Variants in EXD3 observed in about 807,000 individuals in gnomAD.
EXD3 encodes exonuclease 3'-5' domain containing 3.
Under a neutral mutation model 98.0 loss-of-function variants are expected in EXD3, and 92 were observed. The ratio of observed to expected loss-of-function variants is 0.94; its 90% CI spans 0.79 to 1.12. The LOEUF (loss-of-function observed/expected upper bound fraction) is 1.12. EXD3 is among the 50% of genes most tolerant of loss of function. The pLI, the probability that EXD3 is intolerant of heterozygous loss-of-function variation, is 0.00. For missense variants in EXD3, 1,222 were observed against 1,191.6 expected (o/e 1.03, Z -0.38); for synonymous variants, 569 against 526.0 (o/e 1.08, Z -1.12).
Position 137,371,951 on chromosome 9 carries a change from C to T in EXD3, c.462+954G>A, listed in dbSNP as rs1185002670. Among the ~76,000 whole-genome samples, 1 of 152,162 alleles carries T rather than the reference C, an allele frequency of 6.6e-6. No individual in the cohort carries two copies. The highest frequency in any genetic ancestry group is 2.4e-5 in the African/African-American group (1 of 41,446). On this transcript the variant is annotated intron_variant, in intron 5 of 21. Transcript: ENST00000340951. This position sits in a 1 kb window ranked among gnomAD's most constrained non-coding sequence, Gnocchi z 8.0. ...CCACTGCAGGCCCCACTGCTCCCTA[C>T]TGTTCCACACAAACCCAAGTCACAG...
intron 1 of EXD3, among the ~76,000 whole-genome samples, chr9:137,400,532 G>A (rs1264240269): frequency 2.0e-5 from 3 of 152,182 alleles, no homozygotes; most frequent in African/African-American, 7.2e-5. Flanking sequence ...TTGGGAGGCC[G>A]AGGAGGGTGG....
At chr9:137,387,455 C>T (rs1836661763) in intron 2 of EXD3, among the ~76,000 whole-genome samples, 1 of 152,180 alleles carries the variant, frequency 6.6e-6, no homozygotes, top group South Asian at 2.1e-4. Flanking sequence ...TCAGACACGG[C>T]CATGCTGACA....
rs1470683658 is a variant in EXD3 at position 137,366,531 on chromosome 9, G to A, written c.618C>T (p.Ser206=). ...LQRRLLVLMD[S]WCQPGFDIKD... Reference sequence around the variant, plus strand: ...TGATGTCAAAGCCGGGCTGGCACCAGGAATCCATGAGGACCAGCAGCCTCC... The same window carrying A: ...TGATGTCAAAGCCGGGCTGGCACCAAGAATCCATGAGGACCAGCAGCCTCC... Residue 206 remains serine, a synonymous_variant, in exon 7 of 22, where the codon TCC becomes TCT. Coordinates refer to ENST00000340951, the MANE Select transcript of EXD3 (RefSeq NM_017820.5). The A allele has an allele frequency of 2.6e-6, 4 of 1,551,412 alleles. No homozygotes were observed. Among genetic ancestry groups the A allele is most frequent in the Non-Finnish European group, 3.5e-6 (4 of 1,147,568 alleles).
intron 2 of EXD3, among the ~76,000 whole-genome samples, chr9:137,388,889 A>G (rs11559483): frequency 0.65 from 98,810 of 152,074 alleles, 33,443 homozygotes; most frequent in African/African-American, 0.83. Context: ...CCACGGGTCC[A>G]GGCACCTGCT....
In EXD3 at chr9:137,330,109, TACACAGGAG is replaced by T. The variant is rs1832935029; in HGVS notation, c.1999-5975_1999-5967del. ...GAGCTACACAGGGCTCCACAGGAGC[TACACAGGAG>T]CTACACAGGAGCTACACAGGAACTA... On this transcript the variant is annotated intron_variant, in intron 17 of 21. Transcript: ENST00000340951. 6.5e-5 allele frequency among the ~76,000 whole-genome samples: 3 copies of T among 45,830 alleles called. No individual in the cohort carries two copies. The Admixed American group carries it at 7.0e-4, about 11-fold the overall frequency. 30.1% of individuals were successfully genotyped at this position (45,830 alleles called of 152,430 possible). A position where few individuals can be genotyped will look rare whatever the true frequency, so the allele number is the denominator to read the frequency against.
At position 137,328,741 on chromosome 9, in the gene EXD3, GCTACACGGGA is replaced by G. The variant is rs1832686704; in HGVS notation, c.1999-4608_1999-4599del. Among the ~76,000 whole-genome samples the G allele has an allele frequency of 1.6e-4, 2 of 12,240 alleles. 1 individual carries two copies. 8.0% of individuals were successfully genotyped at this position (12,240 alleles called of 152,430 possible). A position where few individuals can be genotyped will look rare whatever the true frequency, so the allele number is the denominator to read the frequency against. ...ACGGGACTACACGGGACTACACGGG[GCTACACGGGA>G]CTACACGGGACTACACGGGGCTACA... is the stretch of plus-strand genomic sequence containing the variant. On this transcript the variant is annotated intron_variant, in intron 17 of 21. Coordinates refer to ENST00000340951, the MANE Select transcript of EXD3 (RefSeq NM_017820.5).
intron 1 of EXD3, among the ~76,000 whole-genome samples, chr9:137,421,178 CAT>C (rs1010063015): frequency 3.3e-5 from 5 of 152,122 alleles, no homozygotes; most frequent in Non-Finnish European, 1.5e-5. Context: ...ATGATTGCCT[CAT>C]GTGTAGGGTC....
chr9:137,399,108 T>G (rs1288915703), intron 1 of EXD3, among the ~76,000 whole-genome samples: 1 of 152,212 alleles, frequency 6.6e-6, no homozygotes, highest in Non-Finnish European at 1.5e-5. Context: ...GCACCTCCAC[T>G]GGAAGCCTGG....
Position 137,387,645 on chromosome 9 carries a change from C to G in EXD3, c.56-4268G>C, listed in dbSNP as rs376184805. The stretch of plus-strand genomic sequence containing the variant: ...ACACACCCCACTCAGCACACAGCAC[C>G]CCACGCACCCCAACTCAGGGATACC... On this transcript the variant is annotated intron_variant, in intron 2 of 21. Coordinates refer to ENST00000340951, the MANE Select transcript of EXD3 (RefSeq NM_017820.5). Among the ~76,000 whole-genome samples the G allele has an allele frequency of 7.0e-3, 1,061 of 152,314 alleles. 12 individuals carry two copies. Among genetic ancestry groups the G allele is most frequent in the African/African-American group, 0.024 (1,001 of 41,574 alleles).
intron 19 of EXD3, among the ~76,000 whole-genome samples, chr9:137,317,371 C>T (rs1231169042): frequency 6.6e-6 from 1 of 152,174 alleles, no homozygotes; most frequent in Non-Finnish European, 1.5e-5. Flanking sequence ...GCCTGCCCAT[C>T]CCATCCATCC....
chr9:137,384,870 T>A (rs1384466757), intron 2 of EXD3, among the ~76,000 whole-genome samples: 4 of 152,106 alleles, frequency 2.6e-5, no homozygotes, highest in Non-Finnish European at 5.9e-5. Context: ...GGCAGGTGGA[T>A]CATTTGAGGT....
chr9:137,417,554 G>A (rs1166152822), intron 1 of EXD3, among the ~76,000 whole-genome samples: 2 of 152,182 alleles, frequency 1.3e-5, no homozygotes, highest in African/African-American at 4.8e-5. Context: ...TTCCTCTCCC[G>A]GGCAGAGACC....
At chr9:137,353,383 C>G (rs1834418324) in intron 10 of EXD3, 1 of 985,412 alleles carries the variant, frequency 1.0e-6, no homozygotes, top group Middle Eastern at 5.2e-4. Context: ...ACCTGCCCAG[C>G]CTGCCCCATC....
At position 137,385,770 on chromosome 9, in the gene EXD3, T is replaced by C. The variant is rs920216570; in HGVS notation, c.56-2393A>G. On this transcript the variant is annotated intron_variant, in intron 2 of 21. Coordinates refer to ENST00000340951, the MANE Select transcript of EXD3 (RefSeq NM_017820.5). The surrounding 1 kb of genome is among the most constrained non-coding windows in gnomAD (Gnocchi z 4.4). ...GCTGGTCTTGAACTCCTGAGCTCAA[T>C]TGGTCCGTCCACCTCGGCCTCCCAA... 1.2e-4 allele frequency among the ~76,000 whole-genome samples: 18 copies of C among 152,050 alleles called. No individual in the cohort carries two copies. The highest frequency in any genetic ancestry group is 5.8e-4 in the East Asian group (3 of 5,156).
chr9:137,411,302 G>A (rs1298966302), intron 1 of EXD3, among the ~76,000 whole-genome samples: 2 of 152,292 alleles, frequency 1.3e-5, no homozygotes, highest in South Asian at 2.1e-4. Context: ...GGAAACCAGC[G>A]AAGGCACAGC....
chr9:137,414,282 A>G (rs1298743282), intron 1 of EXD3, among the ~76,000 whole-genome samples: 1 of 152,236 alleles, frequency 6.6e-6, no homozygotes, highest in African/African-American at 2.4e-5. Flanking sequence ...TCATCCCTGC[A>G]GCAGCATGTG....
rs1383636281 is a variant in EXD3, at chr9:137,372,944, T to C, written c.423A>G (p.Ala141=). Residue 141 remains alanine (A), a synonymous_variant, in exon 5 of 22, where the codon GCA becomes GCG. Coordinates refer to ENST00000340951, the MANE Select transcript of EXD3 (RefSeq NM_017820.5). The part of the protein sequence containing the change: ...LQDADRSCLL[A]HVHRLHHEGR... The stretch of plus-strand genomic sequence containing the variant: ...CCTCGTGGTGGAGGCGGTGGACGTG[T>C]GCCAGCAGGCAGCTCCTGTCTGCAT... 6.2e-7 allele frequency: 1 copy of C among 1,601,650 alleles called. No homozygotes were observed. Among genetic ancestry groups the C allele is most frequent in the South Asian group, 1.1e-5 (1 of 91,058 alleles).
chr9:137,413,647 G>A (rs184380917), intron 1 of EXD3, among the ~76,000 whole-genome samples: 1 of 151,716 alleles, frequency 6.6e-6, no homozygotes, highest in African/African-American at 2.4e-5. Flanking sequence ...GACTACAGGC[G>A]CCCACTACCA....
chr9:137,311,278 G>T (rs1831346726), intron 19 of EXD3, among the ~76,000 whole-genome samples: 1 of 152,198 alleles, frequency 6.6e-6, no homozygotes, highest in South Asian at 2.1e-4. Flanking sequence ...GCCCAGCCCA[G>T]ATCTGGGTCC....
Sources: gnomAD v4.1 joint callset for allele counts (sites outside exome capture counted in the v4.1 genomes callset) on GRCh38, gnomAD v4.1.1 for gene constraint, Gnocchi (gnomAD v3.1) non-coding constraint, MANE v1.5 for transcripts, NCBI Gene and HGNC (gene_info 2026-07-23, HGNC 2026-07-21) for gene names.